Variants in SLC6A13 observed in about 807,000 individuals in gnomAD.
SLC6A13 encodes the protein solute carrier family 6 member 13.
SLC6A13 carries 69 observed loss-of-function variants against 72.9 expected under a neutral mutation model. That is an observed-to-expected ratio of 0.95 (90% CI 0.78 to 1.16). SLC6A13 has a LOEUF of 1.16. Ranked by LOEUF, SLC6A13 falls within the 50% of genes most tolerant of loss-of-function variation. The pLI, the probability that SLC6A13 is intolerant of heterozygous loss-of-function variation, is 0.00. For synonymous variants in SLC6A13, 303 were observed against 303.0 expected, an observed-to-expected ratio of 1.00 and a Z score of 0.00; for missense variants, 735 against 760.5, an observed-to-expected ratio of 0.97 and a Z score of 0.39.
At chr12:244,046 C>T (rs1055885436) in intron 2 of SLC6A13, among the ~76,000 whole-genome samples, 1 of 152,198 alleles carries the variant, frequency 6.6e-6, no homozygotes, top group African/African-American at 2.4e-5. Context: ...TCAGTCTATA[C>T]CTATTAAAGT....
At chr12:258,536 C>T (rs1942821062) in intron 2 of SLC6A13, among the ~76,000 whole-genome samples, 1 of 152,214 alleles carries the variant, frequency 6.6e-6, no homozygotes. Context: ...CACATTCCTC[C>T]AGTCCCGGCT....
Position 254,656 on chromosome 12 carries a change from G to C in SLC6A13, c.202+5195C>G, listed in dbSNP as rs1163627876. Reference sequence around the variant, plus strand: ...TCTGCTGGTTTCCCATCTTCTCCCAGACCCACTAAAGGTCCTTACTTTCTT... The same window carrying C: ...TCTGCTGGTTTCCCATCTTCTCCCACACCCACTAAAGGTCCTTACTTTCTT... On this transcript the variant is annotated intron_variant, in intron 2 of 14. Transcript: ENST00000343164. The surrounding 1 kb of genome is among the most constrained non-coding windows in gnomAD (Gnocchi z 4.4). Among the ~76,000 whole-genome samples, 1 of 152,014 alleles carries C rather than the reference G, an allele frequency of 6.6e-6. No homozygotes were observed. Among genetic ancestry groups the C allele is most frequent in the African/African-American group, 2.4e-5 (1 of 41,364 alleles).
intron 7 of SLC6A13, among the ~76,000 whole-genome samples, chr12:231,100 A>G (rs1465454508): frequency 6.6e-6 from 1 of 152,224 alleles, no homozygotes; most frequent in African/African-American, 2.4e-5. Flanking sequence ...CCTAAAGTGC[A>G]GTAGAACAGG....
intron 7 of SLC6A13, among the ~76,000 whole-genome samples, chr12:229,491 G>A (rs1182587628): frequency 3.9e-5 from 6 of 152,196 alleles, no homozygotes; most frequent in Admixed American, 3.3e-4. Flanking sequence ...TGCTTCACTG[G>A]CTAAGTTACT....
At chr12:259,537 G>C (rs1262847626) in intron 2 of SLC6A13, 1 of 1,365,648 alleles carries the variant, frequency 7.3e-7, no homozygotes, top group East Asian at 2.6e-5. Flanking sequence ...TTGATGCTCT[G>C]AGAGCTTAAG....
intron 7 of SLC6A13, among the ~76,000 whole-genome samples, chr12:230,774 A>T (rs1941677648): frequency 6.6e-6 from 1 of 152,186 alleles, no homozygotes. Flanking sequence ...CATCCGTAAG[A>T]TGAGGCTGAC....
At chr12:221,821 C>T (rs1038137795) in intron 13 of SLC6A13, among the ~76,000 whole-genome samples, 2 of 152,212 alleles carry the variant, frequency 1.3e-5, no homozygotes, top group Non-Finnish European at 2.9e-5. Flanking sequence ...CCACTGCGTG[C>T]TGTGAGGTAT....
intron 9 of SLC6A13, among the ~76,000 whole-genome samples, chr12:226,054 G>A (rs1009551745): frequency 1.3e-5 from 2 of 152,130 alleles, no homozygotes; most frequent in African/African-American, 4.8e-5. Flanking sequence ...AATAGAAATA[G>A]TAATATGTAT....
At chr12:234,245 T>C (rs1246814514) in intron 7 of SLC6A13, among the ~76,000 whole-genome samples, 1 of 152,138 alleles carries the variant, frequency 6.6e-6, no homozygotes, top group African/African-American at 2.4e-5. Flanking sequence ...TGAAAGACAC[T>C]CCCACCAGCT....
chr12:226,349 A>G, intron 9 of SLC6A13, 41 bp downstream of exon 9: 1 of 1,612,264 alleles, frequency 6.2e-7, no homozygotes, highest in Non-Finnish European at 8.5e-7. Context: ...CAGAGGTTTG[A>G]ACCAGGCTCA....
intron 8 of SLC6A13, among the ~76,000 whole-genome samples, chr12:227,301 C>T (rs1256299032): frequency 4.6e-5 from 7 of 152,180 alleles, no homozygotes; most frequent in Non-Finnish European, 1.0e-4. Flanking sequence ...GCCCACTAAC[C>T]TCTACATCAG....
chr12:234,669 C>T (rs1941853256), intron 7 of SLC6A13, among the ~76,000 whole-genome samples: 1 of 152,060 alleles, frequency 6.6e-6, no homozygotes, highest in African/African-American at 2.4e-5. Context: ...AGGTGCGTGC[C>T]ACTACACCCG....
At chr12:227,451 A>T in intron 8 of SLC6A13, 114 bp downstream of exon 8, 1 of 1,535,358 alleles carries the variant, frequency 6.5e-7, no homozygotes, top group Non-Finnish European at 8.8e-7. Context: ...GGGGGTGTAG[A>T]CAGGGGGGCA....
chr12:227,531 A>AG, intron 8 of SLC6A13, 34 bp downstream of exon 8: 1 of 1,612,536 alleles, frequency 6.2e-7, no homozygotes, highest in Non-Finnish European at 8.5e-7. Context: ...AGAGAGATGC[A>AG]GGTGTGTGGC....
At chr12:223,054 A>C (rs1941282110) in intron 12 of SLC6A13, 78 bp downstream of exon 12, 3 of 856,954 alleles carry the variant, frequency 3.5e-6, no homozygotes, top group Non-Finnish European at 5.7e-6. Context: ...CGAGCAGTAG[A>C]TGTCTGTTTC....
chr12:226,699 ACTC>A, intron 8 of SLC6A13, 185 bp from the exon 9 acceptor site: 1 of 608,016 alleles, frequency 1.6e-6, no homozygotes. Context: ...CTCCTCCGAC[ACTC>A]CTCGGCCCCA....
At position 230,248 on chromosome 12, in the gene SLC6A13, C is replaced by T. The variant is rs531893735; in HGVS notation, c.832-2580G>A. On this transcript the variant is annotated intron_variant, in intron 7 of 14. Transcript: ENST00000343164. ...TAAGTGTAAAAAATTCTGGGTGGAACGCAGGTAAAAGAGGTCTTGGGGGGA... is the reference window on the plus strand; with the variant it reads ...TAAGTGTAAAAAATTCTGGGTGGAATGCAGGTAAAAGAGGTCTTGGGGGGA... 8.5e-5 allele frequency among the ~76,000 whole-genome samples: 13 copies of T among 152,132 alleles called. No homozygotes were observed. The South Asian group carries it at 2.3e-3, about 27-fold the overall frequency.
chr12:255,136 T>C (rs1942695356), intron 2 of SLC6A13, among the ~76,000 whole-genome samples: 2 of 152,082 alleles, frequency 1.3e-5, no homozygotes, highest in Admixed American at 6.5e-5. Flanking sequence ...GGATGAGAAG[T>C]GGTCGGGTCC....
chr12:235,806 G>C (rs532151332), intron 6 of SLC6A13, among the ~76,000 whole-genome samples: 1 of 152,276 alleles, frequency 6.6e-6, no homozygotes, highest in Non-Finnish European at 1.5e-5. Flanking sequence ...TCTTTTCCTA[G>C]CAAGGAATAT....
Sources: gnomAD v4.1 joint callset for allele counts (sites outside exome capture counted in the v4.1 genomes callset) on GRCh38, gnomAD v4.1.1 for gene constraint, Gnocchi (gnomAD v3.1) non-coding constraint, MANE v1.5 for transcripts, NCBI Gene and HGNC (gene_info 2026-07-23, HGNC 2026-07-21) for gene names.